The following MYRIP variants were observed in gnomAD, a reference collection of about 807,000 sequenced individuals.
MYRIP encodes the protein rab effector MyRIP.
MYRIP carries 49 observed loss-of-function variants against 98.0 expected under a neutral mutation model. The observed-to-expected ratio is 0.50, with a 90% CI of 0.40 to 0.63. The LOEUF is 0.63. MYRIP is among the 30% of genes least tolerant of loss of function. The probability of loss-of-function intolerance (pLI) is 0.00; values close to 1 mark genes in which losing one functional copy is unlikely to be tolerated. For synonymous variants in MYRIP, 404 were observed against 409.5 expected (o/e 0.99, Z 0.16); for missense variants, 1,004 against 1,058.2 (o/e 0.95, Z 0.71).
rs559985835 is a variant in MYRIP at position 40,251,458 on chromosome 3, C to T, written c.2429-423C>T. Among the ~76,000 whole-genome samples the T allele has an allele frequency of 2.0e-4, 31 of 152,314 alleles. No homozygotes were observed. In the South Asian group the frequency reaches 6.2e-3, roughly 31 times the overall value. ...GCAGCATCTGAAAATCAAACAAACA[C>T]ATGAATATCCTTACAGCAGAGCACA... On this transcript the variant is annotated intron_variant, in intron 15 of 16. Transcript: ENST00000302541.
At chr3:40,126,532 A>C (rs1949528857) in intron 3 of MYRIP, among the ~76,000 whole-genome samples, 1 of 152,236 alleles carries the variant, frequency 6.6e-6, no homozygotes, top group Non-Finnish European at 1.5e-5. Context: ...TTGGTGAGGC[A>C]CTGTGCTAAT....
At chr3:40,031,288 TA>T (rs1288605013) in intron 2 of MYRIP, among the ~76,000 whole-genome samples, 3 of 152,094 alleles carry the variant, frequency 2.0e-5, no homozygotes, top group African/African-American at 7.2e-5. Flanking sequence ...TCTTAACACC[TA>T]ATCACCTCCT....
chr3:40,029,909 T>TA (rs1473446096), intron 2 of MYRIP, among the ~76,000 whole-genome samples: 2 of 151,680 alleles, frequency 1.3e-5, no homozygotes, highest in Non-Finnish European at 2.9e-5. Context: ...AAAAATTATT[T>TA]AAAAAATTAG....
chr3:40,124,634 G>A (rs1306872464), intron 3 of MYRIP, among the ~76,000 whole-genome samples: 1 of 152,202 alleles, frequency 6.6e-6, no homozygotes, highest in East Asian at 1.9e-4. Flanking sequence ...AGAAAGGCTG[G>A]CTTTTCAAGG....
intron 3 of MYRIP, among the ~76,000 whole-genome samples, chr3:40,062,870 G>T (rs1159042152): frequency 6.6e-6 from 1 of 152,158 alleles, no homozygotes; most frequent in Non-Finnish European, 1.5e-5. Flanking sequence ...TAGCTCTTGA[G>T]ATGTCTTTAT....
intron 8 of MYRIP, among the ~76,000 whole-genome samples, chr3:40,172,716 C>T (rs1170424426): frequency 6.6e-6 from 1 of 152,196 alleles, no homozygotes; most frequent in East Asian, 1.9e-4. Context: ...ATTCCCAGAC[C>T]ACCTGCTGCC....
rs1283440432 is a variant in MYRIP, at chr3:40,159,446, G to C, written c.470-3284G>C. On this transcript the variant is annotated intron_variant, in intron 4 of 16. Coordinates refer to ENST00000302541, the MANE Select transcript of MYRIP (RefSeq NM_015460.4). ...CTTAACATTTTTTCCTTCATTTCAA[G>C]TTTGGTGAATCTGACAATTATGTGT... is the stretch of plus-strand genomic sequence containing the variant. Among the ~76,000 whole-genome samples the C allele has an allele frequency of 2.9e-4, 43 of 150,650 alleles. 1 individual carries two copies. The highest frequency in any genetic ancestry group is 2.7e-3 in the South Asian group (13 of 4,808).
chr3:40,037,183 A>C lies in MYRIP; in HGVS notation c.111-6867A>C, dbSNP rs570076166. ...CATTTTTGCATAAGATAAAATAATCATGGAGTACAGAAAGCAGTCAGCTAC... is the reference window on the plus strand; with the variant it reads ...CATTTTTGCATAAGATAAAATAATCCTGGAGTACAGAAAGCAGTCAGCTAC... On this transcript the variant is annotated intron_variant, in intron 2 of 16. Coordinates refer to ENST00000302541, the MANE Select transcript of MYRIP (RefSeq NM_015460.4). Among the ~76,000 whole-genome samples the C allele has an allele frequency of 2.9e-4, 44 of 152,202 alleles. 1 individual carries two copies. The highest frequency in any genetic ancestry group is 2.4e-3 in the Admixed American group (37 of 15,266).
intron 3 of MYRIP, among the ~76,000 whole-genome samples, chr3:40,069,524 C>A (rs1164944183): frequency 1.3e-5 from 2 of 151,944 alleles, no homozygotes; most frequent in African/African-American, 4.8e-5. Flanking sequence ...CCATCACTAT[C>A]CATCTCCAGA....
intron 2 of MYRIP, among the ~76,000 whole-genome samples, chr3:39,989,037 A>G (rs1382502396): frequency 6.6e-6 from 1 of 151,712 alleles, no homozygotes; most frequent in East Asian, 2.0e-4. Flanking sequence ...CTCATCTTCC[A>G]TCCAGTTCTG....
At chr3:39,846,427 T>C (rs1941969313) in intron 1 of MYRIP, among the ~76,000 whole-genome samples, 1 of 152,144 alleles carries the variant, frequency 6.6e-6, no homozygotes, top group South Asian at 2.1e-4. Flanking sequence ...GCTGTGAAGG[T>C]TGATCATCAG....
At chr3:40,015,165 C>G (rs567037268) in intron 2 of MYRIP, among the ~76,000 whole-genome samples, 84 of 152,306 alleles carry the variant, frequency 5.5e-4, no homozygotes, top group African/African-American at 1.9e-3. Flanking sequence ...TTTGTTCTTG[C>G]TGGTTCCTCA....
intron 8 of MYRIP, among the ~76,000 whole-genome samples, chr3:40,175,116 C>T (rs1395549844): frequency 7.0e-6 from 1 of 142,458 alleles, no homozygotes; most frequent in Non-Finnish European, 1.5e-5. Flanking sequence ...CAGAGCAAGT[C>T]TCTGTCTCAA....
At position 40,084,054 on chromosome 3, in the gene MYRIP, G is replaced by A. The variant is rs528174465; in HGVS notation, c.332+39783G>A. Among the ~76,000 whole-genome samples, 12 of 146,914 alleles carry A rather than the reference G, an allele frequency of 8.2e-5. No homozygotes were observed. In the East Asian group the frequency reaches 1.2e-3, roughly 15 times the overall value. On this transcript the variant is annotated intron_variant, in intron 3 of 16. Coordinates refer to ENST00000302541, the MANE Select transcript of MYRIP (RefSeq NM_015460.4). ...CAGGAGGCTGAGGCAGGAGAATGGCGTGAACCCGGGAGGCGGAACTTGCAG... is the reference window on the plus strand; with the variant it reads ...CAGGAGGCTGAGGCAGGAGAATGGCATGAACCCGGGAGGCGGAACTTGCAG...
chr3:40,065,725 G>A (rs371314608), intron 3 of MYRIP, among the ~76,000 whole-genome samples: 43 of 152,230 alleles, frequency 2.8e-4, no homozygotes, highest in African/African-American at 7.9e-4. Context: ...ATTTTATGTC[G>A]TTACACCCAG....
chr3:39,952,507 C>T (rs1438193435), intron 2 of MYRIP, among the ~76,000 whole-genome samples: 5 of 152,142 alleles, frequency 3.3e-5, no homozygotes, highest in Non-Finnish European at 7.4e-5. Flanking sequence ...ACAAATCCCA[C>T]TTAATCATGG....
intron 1 of MYRIP, among the ~76,000 whole-genome samples, chr3:39,850,733 A>G (rs1357973031): frequency 6.6e-6 from 1 of 152,212 alleles, no homozygotes; most frequent in Non-Finnish European, 1.5e-5. Flanking sequence ...TAGTATAATT[A>G]TGTGGTCTAA....
chr3:39,849,588 T>A (rs1220508800), intron 1 of MYRIP, among the ~76,000 whole-genome samples: 1 of 152,220 alleles, frequency 6.6e-6, no homozygotes, highest in Admixed American at 6.5e-5. Context: ...TTGTAAGTTA[T>A]AAATGTGAAC....
At chr3:39,997,402 A>G (rs1254957565) in intron 2 of MYRIP, among the ~76,000 whole-genome samples, 1 of 152,106 alleles carries the variant, frequency 6.6e-6, no homozygotes, top group Admixed American at 6.5e-5. Flanking sequence ...AATACTATAA[A>G]CACCTCTATG....
Sources: allele counts gnomAD v4.1 joint callset (sites outside exome capture counted in the v4.1 genomes callset), GRCh38; gene constraint gnomAD v4.1.1; transcripts MANE v1.5; gene names NCBI Gene and HGNC (gene_info 2026-07-23, HGNC 2026-07-21).